ELN: variants seen among roughly 807,000 people sequenced by gnomAD.
ELN encodes the protein tropoelastin.
Under a neutral mutation model 105.8 loss-of-function variants are expected in ELN, and 65 were observed. That is an observed-to-expected ratio of 0.61 (90% CI 0.50 to 0.75). The LOEUF (loss-of-function observed/expected upper bound fraction) is 0.75. Ranked by LOEUF, ELN falls within the 30% of genes least tolerant of loss-of-function variation. The probability of loss-of-function intolerance (pLI) is 0.00; values close to 1 mark genes in which losing one functional copy is unlikely to be tolerated. For missense variants in ELN, 882 were observed against 969.4 expected (o/e 0.91, Z 1.20); for synonymous variants, 368 against 389.2 (o/e 0.95, Z 0.64).
At chr7:74,045,162 G>T (rs1381995680) in intron 9 of ELN, 60 bp from the exon 10 acceptor site, 6 of 1,602,094 alleles carry the variant, frequency 3.7e-6, no homozygotes, top group Admixed American at 3.3e-5. Flanking sequence ...GGAGGGGAGG[G>T]GTTCCCAGCA....
rs189538818 is a variant in ELN at position 74,046,733 on chromosome 7, A to C, written c.609A>C (p.Pro203=). 1.2e-6 allele frequency: 2 copies of C among 1,614,216 alleles called. No individual in the cohort carries two copies. The highest frequency in any genetic ancestry group is 1.7e-6 in the Non-Finnish European group (2 of 1,180,022). The change falls in exon 12 of 33, where the codon CCA becomes CCC. Residue 203 remains proline (P), a synonymous_variant. Coordinates refer to ENST00000252034, the MANE Select transcript of ELN (RefSeq NM_000501.4). ...TTGGGGGACCGCAACCTGGAGTCCCACTGGGGTATCCCATCAAGGCCCCCA... is the reference window on the plus strand; with the variant it reads ...TTGGGGGACCGCAACCTGGAGTCCCCCTGGGGTATCCCATCAAGGCCCCCA... ...GPFGGPQPGV[P]LGYPIKAPKL... is the part of the protein sequence containing the mutation.
chr7:74,030,892 C>T (rs1335553640), intron 1 of ELN, among the ~76,000 whole-genome samples: 1 of 152,194 alleles, frequency 6.6e-6, no homozygotes, highest in Non-Finnish European at 1.5e-5. Context: ...GTCGATCCCG[C>T]TCTGTGTGTC....
chr7:74,053,177 T>C lies in ELN; in HGVS notation c.964T>C (p.Leu322=), dbSNP rs782565542. 4.3e-6 allele frequency: 7 copies of C among 1,614,136 alleles called. No individual in the cohort carries two copies. The highest frequency in any genetic ancestry group is 5.9e-6 in the Non-Finnish European group (7 of 1,180,010). ...KAAKYGAAAG[L]VPGGPGFGPG... ...TTCTTCCACAGGAGCTGCTGCAGGC[T>C]TAGTGCCTGGTGGGCCAGGCTTTGG... Residue 322 remains leucine (L), a synonymous_variant, in exon 18 of 33, where the codon TTA becomes CTA. Transcript: ENST00000252034.
intron 7 of ELN, 31 bp downstream of exon 7, chr7:74,043,065 C>A (rs1791610020): frequency 6.2e-7 from 1 of 1,614,034 alleles, no homozygotes; most frequent in African/African-American, 1.3e-5. Flanking sequence ...CTCCCTGGGT[C>A]AAAGTTGCAG....
In ELN at chr7:74,063,172, C is replaced by T. The variant is rs782692599; in HGVS notation, c.1806C>T (p.Val602=). 1 of 1,608,810 alleles carries T rather than the reference C, an allele frequency of 6.2e-7. No individual in the cohort carries two copies. Among genetic ancestry groups the T allele is most frequent in the Non-Finnish European group, 8.5e-7 (1 of 1,178,570 alleles). Reference sequence around the variant, plus strand: ...CCGCAGGAGCAGCAGTGCCTGGGGTCCTTGGAGGGCTCGGGGCTCTCGGTG... The same window carrying T: ...CCGCAGGAGCAGCAGTGCCTGGGGTTCTTGGAGGGCTCGGGGCTCTCGGTG... ...AAKYGAAVPG[V]LGGLGALGGV... is the part of the protein sequence containing the mutation. Residue 602 remains valine (V), a synonymous_variant, in exon 27 of 33, where the codon GTC becomes GTT. Coordinates refer to ENST00000252034, the MANE Select transcript of ELN (RefSeq NM_000501.4). This position sits in a 1 kb window ranked among gnomAD's most constrained non-coding sequence, Gnocchi z 4.1.
rs1404286281 is a variant in ELN, at chr7:74,048,276, G to A, written c.745+75G>A. On this transcript the variant is annotated intron_variant, in intron 14 of 32. Coordinates refer to ENST00000252034, the MANE Select transcript of ELN (RefSeq NM_000501.4). ...GGCTCCAGAGCCCTGGGGTGGGTGA[G>A]GTTCCCTCCTGAAAGCAGCAGCCCA... 5 of 1,602,376 alleles carry A rather than the reference G, an allele frequency of 3.1e-6. No homozygotes were observed. In the African/African-American group the frequency reaches 5.4e-5, roughly 17 times the overall value.
In ELN at chr7:74,063,602, T is replaced by A; in HGVS notation, c.1919-19T>A. ...CACCTTTCTGACCAGCGGAGTCTAATGCTCAGCTGTCTCCACAGGCCTAGT... is the reference window on the plus strand; with the variant it reads ...CACCTTTCTGACCAGCGGAGTCTAAAGCTCAGCTGTCTCCACAGGCCTAGT... On this transcript the variant is annotated intron_variant, in intron 28 of 32. Coordinates refer to ENST00000252034, the MANE Select transcript of ELN (RefSeq NM_000501.4). This position sits in a 1 kb window ranked among gnomAD's most constrained non-coding sequence, Gnocchi z 4.1. 6.2e-7 allele frequency: 1 copy of A among 1,614,144 alleles called. No individual in the cohort carries two copies. Among genetic ancestry groups the A allele is most frequent in the Middle Eastern group, 1.7e-4 (1 of 6,056 alleles).
chr7:74,042,739 C>A (rs559464038), intron 6 of ELN, 33 bp downstream of exon 6: 3 of 1,608,598 alleles, frequency 1.9e-6, no homozygotes, highest in Non-Finnish European at 2.5e-6. Flanking sequence ...TGCCACAAGC[C>A]CTCTGGCTTC....
At chr7:74,044,208 A>G (rs1039141633) in intron 9 of ELN, among the ~76,000 whole-genome samples, 19 of 152,102 alleles carry the variant, frequency 1.2e-4, no homozygotes, top group African/African-American at 4.1e-4. Flanking sequence ...GCCACTGCAC[A>G]GCAGCCTGGG....
intron 8 of ELN, chr7:74,043,553 GA>G (rs1554670191): frequency 4.5e-6 from 3 of 660,434 alleles, no homozygotes; most frequent in Middle Eastern, 2.4e-4. Flanking sequence ...AGCCCTTTAG[GA>G]AGTGACTTCA....
At chr7:74,046,636 G>T in intron 11 of ELN, 60 bp from the exon 12 acceptor site, 3 of 1,571,560 alleles carry the variant, frequency 1.9e-6, no homozygotes, top group African/African-American at 2.7e-5. Context: ...AAGTGGAGTG[G>T]GTGGCGGAGG....
intron 3 of ELN, among the ~76,000 whole-genome samples, chr7:74,036,835 CG>C (rs1310936862): frequency 6.6e-6 from 1 of 151,902 alleles, no homozygotes; most frequent in Admixed American, 6.6e-5. Flanking sequence ...TGGGGGAGGA[CG>C]GGGGGACAGA....
chr7:74,037,781 G>A (rs1030566999), intron 4 of ELN, 42 bp downstream of exon 4: 3 of 1,603,416 alleles, frequency 1.9e-6, no homozygotes, highest in South Asian at 2.2e-5. Context: ...CAGCGAGGGA[G>A]CTGGGGAGGG....
At position 74,062,804 on chromosome 7, in the gene ELN, G is replaced by A. The variant is rs182216610; in HGVS notation, c.1787-349G>A. On this transcript the variant is annotated intron_variant, in intron 26 of 32. Coordinates refer to ENST00000252034, the MANE Select transcript of ELN (RefSeq NM_000501.4). The stretch of plus-strand genomic sequence containing the variant: ...GACCTCAGGTGATCCACTAGCCTCA[G>A]CCTCCCAAAGTGCTGGGATTACAGG... Among the ~76,000 whole-genome samples, 92 of 152,264 alleles carry A rather than the reference G, an allele frequency of 6.0e-4. 1 individual carries two copies. The highest frequency in any genetic ancestry group is 2.1e-3 in the African/African-American group (89 of 41,560).
In ELN at chr7:74,035,450, G is replaced by T. The variant is rs782145624; in HGVS notation, c.133+36G>T. 134 of 1,612,346 alleles carry T rather than the reference G, an allele frequency of 8.3e-5. 1 individual carries two copies. The highest frequency in any genetic ancestry group is 4.7e-5 in the Non-Finnish European group (55 of 1,178,616). On this transcript the variant is annotated intron_variant, in intron 2 of 32. Coordinates refer to ENST00000252034, the MANE Select transcript of ELN (RefSeq NM_000501.4). The stretch of plus-strand genomic sequence containing the variant: ...TGAAACTTCCACACACCCAGGTCAT[G>T]CGGATGATGCTGATGTCCATAATAG...
intron 21 of ELN, chr7:74,057,376 C>T (rs1462038037): frequency 1.3e-6 from 2 of 1,496,182 alleles, no homozygotes; most frequent in East Asian, 4.6e-5. Context: ...TTCTCCACTC[C>T]CCGAGGTGCT....
At chr7:74,054,114 G>T (rs1794737423) in intron 18 of ELN, among the ~76,000 whole-genome samples, 1 of 151,998 alleles carries the variant, frequency 6.6e-6, no homozygotes, top group African/African-American at 2.4e-5. Context: ...GGATAAGTTG[G>T]CAGATAGATG....
chr7:74,035,069 C>T (rs1314990099), intron 1 of ELN, among the ~76,000 whole-genome samples: 2 of 152,192 alleles, frequency 1.3e-5, no homozygotes, highest in Non-Finnish European at 2.9e-5. Flanking sequence ...CCACTGCACT[C>T]CAGCCTGGGT....
rs1170879322 is a variant in ELN, at chr7:74,068,805, C to T, written c.*105C>T. The T allele has an allele frequency of 7.0e-6, 10 of 1,425,770 alleles. No individual in the cohort carries two copies. The African/African-American group carries it at 1.4e-4, about 20-fold the overall frequency. The allele number at this position is 1,425,770 out of a possible 1,614,324, so 88.3% of individuals were successfully genotyped here. A position where few individuals can be genotyped will look rare whatever the true frequency, so the allele number is the denominator to read the frequency against. On this transcript the variant is annotated 3_prime_UTR_variant, in exon 33 of 33. Transcript: ENST00000252034. The stretch of plus-strand genomic sequence containing the variant: ...CATCCCATGCCCCTCCGACTCCCCA[C>T]CCCAGGAGGGAACGGGCAGGCCGGG...
Sources: allele counts gnomAD v4.1 joint callset (sites outside exome capture counted in the v4.1 genomes callset), GRCh38; gene constraint gnomAD v4.1.1; non-coding constraint Gnocchi (gnomAD v3.1); transcripts MANE v1.5; gene names NCBI Gene and HGNC (gene_info 2026-07-23, HGNC 2026-07-21).